Variants in RIMS1 observed in about 807,000 individuals in gnomAD.
The protein encoded by RIMS1 is regulating synaptic membrane exocytosis protein 1.
A neutral mutation model predicts 214.1 loss-of-function variants in RIMS1; 83 were observed. That is an observed-to-expected ratio of 0.39 (90% confidence interval 0.32 to 0.47). The LOEUF is 0.47. Ranked by LOEUF, RIMS1 falls within the 20% of genes least tolerant of loss-of-function variation. The pLI, the probability that RIMS1 is intolerant of heterozygous loss-of-function variation, is 0.99. For synonymous variants in RIMS1, 793 were observed against 786.8 expected, an observed-to-expected ratio of 1.01 and a Z score of -0.13; for missense variants, 2,050 against 2,161.8, an observed-to-expected ratio of 0.95 and a Z score of 1.03.
intron 2 of RIMS1, among the ~76,000 whole-genome samples, chr6:72,068,376 C>T (rs1290849142): frequency 1.3e-5 from 2 of 152,058 alleles, no homozygotes; most frequent in Admixed American, 1.3e-4. Flanking sequence ...AAAAAATCAT[C>T]GTGCTTAAGC....
At chr6:72,173,050 T>C (rs566892120) in intron 4 of RIMS1, among the ~76,000 whole-genome samples, 2 of 152,306 alleles carry the variant, frequency 1.3e-5, no homozygotes, top group African/African-American at 4.8e-5. Context: ...TCCAAGTTCT[T>C]CCAAATTCTG....
At chr6:72,062,661 T>A (rs1294938782) in intron 2 of RIMS1, among the ~76,000 whole-genome samples, 1 of 152,082 alleles carries the variant, frequency 6.6e-6, no homozygotes, top group Non-Finnish European at 1.5e-5. Context: ...TACCAAAAAC[T>A]GGGGGGCTTA....
chr6:72,316,665 A>G, intron 28 of RIMS1: 12 of 562,034 alleles, frequency 2.1e-5, no homozygotes, highest in Non-Finnish European at 3.8e-5. Flanking sequence ...GGCTGACCCA[A>G]ATGTCATAGA....
At chr6:72,176,225 G>T (rs2047682445) in intron 4 of RIMS1, among the ~76,000 whole-genome samples, 1 of 152,054 alleles carries the variant, frequency 6.6e-6, no homozygotes, top group Admixed American at 6.6e-5. Flanking sequence ...TTTCTAAAAG[G>T]TGTGTTTGTG....
At chr6:71,948,942 A>G (rs1788649971) in intron 1 of RIMS1, among the ~76,000 whole-genome samples, 1 of 152,192 alleles carries the variant, frequency 6.6e-6, no homozygotes, top group African/African-American at 2.4e-5. Context: ...CATCAAACCT[A>G]TAAATAGAGT....
At chr6:71,960,350 T>C (rs1792566193) in intron 1 of RIMS1, among the ~76,000 whole-genome samples, 1 of 152,170 alleles carries the variant, frequency 6.6e-6, no homozygotes, top group African/African-American at 2.4e-5. Flanking sequence ...GCTGGAATTT[T>C]TTACTAGTAG....
rs1426508111 is a variant in RIMS1, at chr6:71,942,714, C to CA, written c.165-26262dup. Among the ~76,000 whole-genome samples, 4 of 151,434 alleles carry CA rather than the reference C, an allele frequency of 2.6e-5. No homozygotes were observed. The South Asian group carries it at 6.3e-4, about 24-fold the overall frequency. On this transcript the variant is annotated intron_variant, in intron 1 of 33. Coordinates refer to ENST00000521978, the MANE Select transcript of RIMS1 (RefSeq NM_014989.7). Reference sequence around the variant, plus strand: ...TTTTGTAAAGAGATATCAAAAGTGACAAAAAAATTAGCTTTGAATCAAGAA... The same window carrying CA: ...TTTTGTAAAGAGATATCAAAAGTGACAAAAAAAATTAGCTTTGAATCAAGAA...
intron 2 of RIMS1, among the ~76,000 whole-genome samples, chr6:72,080,119 C>G: frequency 7.0e-6 from 1 of 142,392 alleles, no homozygotes; most frequent in Non-Finnish European, 1.5e-5. Context: ...CAGAAATTAG[C>G]CAGGCATGGT....
chr6:72,002,583 G>A (rs1237479335), intron 2 of RIMS1, among the ~76,000 whole-genome samples: 1 of 152,176 alleles, frequency 6.6e-6, no homozygotes, highest in Non-Finnish European at 1.5e-5. Context: ...ATGCGTGGCA[G>A]CCTGAGGAGG....
At chr6:72,035,683 A>C (rs1294877728) in intron 2 of RIMS1, among the ~76,000 whole-genome samples, 1 of 152,196 alleles carries the variant, frequency 6.6e-6, no homozygotes, top group East Asian at 1.9e-4. Context: ...AGGTTGCCTT[A>C]GTGACTTCCC....
intron 29 of RIMS1, among the ~76,000 whole-genome samples, chr6:72,354,979 A>T (rs536087483): frequency 2.6e-5 from 4 of 152,164 alleles, no homozygotes; most frequent in Non-Finnish European, 4.4e-5. Flanking sequence ...TCATAGACCT[A>T]TATAGCCAAA....
chr6:72,087,175 A>G (rs1834871664), intron 2 of RIMS1, among the ~76,000 whole-genome samples: 1 of 152,226 alleles, frequency 6.6e-6, no homozygotes, highest in Admixed American at 6.5e-5. Context: ...ATAAAAAATT[A>G]CAAACTTTAT....
chr6:72,275,276 C>T (rs759187994), intron 23 of RIMS1, among the ~76,000 whole-genome samples: 1 of 150,790 alleles, frequency 6.6e-6, no homozygotes, highest in Non-Finnish European at 1.5e-5. Context: ...TCAGCCAACG[C>T]ATTGGTAATA....
At chr6:72,125,758 G>A (rs1421461587) in intron 4 of RIMS1, among the ~76,000 whole-genome samples, 2 of 152,200 alleles carry the variant, frequency 1.3e-5, no homozygotes, top group African/African-American at 2.4e-5. Context: ...TGTGCTAGCA[G>A]TGAGCAAGAC....
Position 72,333,724 on chromosome 6 carries a change from G to C in RIMS1, c.4255G>C (p.Ala1419Pro). Residue 1419 changes from alanine to proline, a missense_variant, in exon 29 of 34, where the codon GCT (alanine) becomes CCT (proline). Around this residue, in one of 6 missense-constraint regions of RIMS1, gnomAD observed 889 missense variants for 885.5 expected, o/e 1.00. Coordinates refer to ENST00000521978, the MANE Select transcript of RIMS1 (RefSeq NM_014989.7). ...EHNDGSQSDT[A>P]VGTVGAGGKK... ...TAATGACGGCAGCCAGTCAGACACA[G>C]CTGTGGGTACAGTTGGAGCAGGTGG... is the stretch of plus-strand genomic sequence containing the variant. 1 of 1,598,848 alleles carries C rather than the reference G, an allele frequency of 6.3e-7. No homozygotes were observed.
chr6:72,235,923 G>T (rs969297032), intron 8 of RIMS1, among the ~76,000 whole-genome samples, 195 bp downstream of exon 8: 1 of 151,916 alleles, frequency 6.6e-6, no homozygotes, highest in Non-Finnish European at 1.5e-5. Context: ...AGTTCAGGAT[G>T]ATTTTTTGCA....
chr6:71,931,909 A>G (rs1783155877), intron 1 of RIMS1, among the ~76,000 whole-genome samples: 1 of 152,136 alleles, frequency 6.6e-6, no homozygotes. Flanking sequence ...AAACACAAAA[A>G]TCAAAACCAC....
chr6:72,291,055 G>A (rs984480616), intron 25 of RIMS1, among the ~76,000 whole-genome samples, 194 bp downstream of exon 25: 1 of 152,064 alleles, frequency 6.6e-6, no homozygotes. Context: ...GTATACTATA[G>A]TTTCTGCCAA....
chr6:72,265,129 A>C (rs1490688748), intron 20 of RIMS1, 77 bp downstream of exon 20: 8 of 790,796 alleles, frequency 1.0e-5, no homozygotes, highest in Middle Eastern at 2.3e-4. Flanking sequence ...TAGAAAATTC[A>C]CATTCTAATA....
Sources: gnomAD v4.1 joint callset for allele counts (sites outside exome capture counted in the v4.1 genomes callset) on GRCh38, gnomAD v4.1.1 for gene constraint, gnomAD v4.1.1 regional missense constraint, MANE v1.5 for transcripts, NCBI Gene and HGNC (gene_info 2026-07-23, HGNC 2026-07-21) for gene names.